Variants in PCDH9 observed in about 807,000 individuals in gnomAD.
PCDH9 encodes the protein protocadherin 9, also known as protocadherin-9.
In PCDH9, 24 loss-of-function variants were observed where a neutral mutation model predicts 70.6. That is an observed-to-expected ratio of 0.34 (90% CI 0.25 to 0.48). The LOEUF is 0.48. Among genes scored for constraint, PCDH9 ranks in the 20% least tolerant of loss-of-function variants. The pLI is 0.99. For synonymous variants in PCDH9, 562 were observed against 558.5 expected, an observed-to-expected ratio of 1.01 and a Z score of -0.09; for missense variants, 1,281 against 1,503.6, an observed-to-expected ratio of 0.85 and a Z score of 2.45.
intron 4 of PCDH9, among the ~76,000 whole-genome samples, chr13:66,561,489 A>C (rs992695957): frequency 6.6e-6 from 1 of 152,188 alleles, no homozygotes; most frequent in African/African-American, 2.4e-5. Flanking sequence ...TGGGCTCCTG[A>C]GTCTGGTGGG....
chr13:66,849,555 C>T (rs1318402175), intron 3 of PCDH9, among the ~76,000 whole-genome samples: 1 of 103,644 alleles, frequency 9.6e-6, no homozygotes, highest in Middle Eastern at 6.8e-3. Context: ...GATTGCAAAT[C>T]TTACCTGGGA....
At chr13:66,438,237 A>G (rs1199190201) in intron 4 of PCDH9, among the ~76,000 whole-genome samples, 1 of 152,042 alleles carries the variant, frequency 6.6e-6, no homozygotes, top group African/African-American at 2.4e-5. Context: ...CCGGCTCAAA[A>G]AAAAAAAAAA....
chr13:66,507,178 G>C (rs2138574732), intron 4 of PCDH9, among the ~76,000 whole-genome samples: 1 of 151,780 alleles, frequency 6.6e-6, no homozygotes, highest in South Asian at 2.1e-4. Flanking sequence ...GCTGAAATCT[G>C]AAACTGTCAC....
At chr13:66,561,199 G>C (rs1172960156) in intron 4 of PCDH9, among the ~76,000 whole-genome samples, 1 of 152,236 alleles carries the variant, frequency 6.6e-6, no homozygotes, top group African/African-American at 2.4e-5. Flanking sequence ...GAGGGGCTTA[G>C]CGCCTGGGCC....
At position 67,225,393 on chromosome 13, in the gene PCDH9, G is replaced by A. The variant is rs2089831142; in HGVS notation, c.3036+12C>T. 6.2e-7 allele frequency: 1 copy of A among 1,612,702 alleles called. No individual in the cohort carries two copies. Among genetic ancestry groups the A allele is most frequent in the Non-Finnish European group, 8.5e-7 (1 of 1,179,088 alleles). The stretch of plus-strand genomic sequence containing the variant: ...ATGCAGTACTTATAGACCAGTAAAA[G>A]TGCTCGTTTACCTGTCTGGTGTGTA... On this transcript the variant is annotated intron_variant, in intron 2 of 4. Coordinates refer to ENST00000377865, the MANE Select transcript of PCDH9 (RefSeq NM_203487.3).
intron 3 of PCDH9, among the ~76,000 whole-genome samples, chr13:66,644,009 G>GA (rs113486094): frequency 2.7e-4 from 41 of 151,784 alleles, no homozygotes; most frequent in African/African-American, 8.0e-4. Flanking sequence ...CCTGCAATTA[G>GA]AAAAAATACA....
At chr13:66,642,921 T>C (rs2077726935) in intron 3 of PCDH9, among the ~76,000 whole-genome samples, 1 of 152,036 alleles carries the variant, frequency 6.6e-6, no homozygotes, top group East Asian at 1.9e-4. Context: ...GTCTCAATTT[T>C]ATTCTCAACT....
intron 3 of PCDH9, among the ~76,000 whole-genome samples, chr13:66,857,012 A>G (rs1002166483): frequency 6.6e-6 from 1 of 152,136 alleles, no homozygotes; most frequent in South Asian, 2.1e-4. Flanking sequence ...CAGTCTCTGT[A>G]TAATATTCAA....
chr13:66,806,082 C>A (rs2080405780), intron 3 of PCDH9, among the ~76,000 whole-genome samples: 1 of 151,954 alleles, frequency 6.6e-6, no homozygotes, highest in Non-Finnish European at 1.5e-5. Flanking sequence ...ATTTTAGAAA[C>A]CTTATGTATA....
intron 2 of PCDH9, among the ~76,000 whole-genome samples, chr13:67,189,647 TAA>T (rs1466601159): frequency 6.6e-6 from 1 of 151,798 alleles, no homozygotes; most frequent in African/African-American, 2.4e-5. Context: ...ATGTACAATA[TAA>T]AGTTAGACAG....
chr13:66,730,821 G>A (rs1344638321), intron 3 of PCDH9, among the ~76,000 whole-genome samples: 1 of 149,662 alleles, frequency 6.7e-6, no homozygotes, highest in East Asian at 2.0e-4. Context: ...TAAGTCTAAA[G>A]GAACTTGCTA....
intron 3 of PCDH9, among the ~76,000 whole-genome samples, chr13:66,751,930 A>C (rs544258459): frequency 1.1e-4 from 17 of 152,310 alleles, no homozygotes; most frequent in Non-Finnish European, 2.5e-4. Flanking sequence ...GTAACAAGAA[A>C]CATGTAAATG....
chr13:67,117,810 A>C (rs2086806469), intron 2 of PCDH9, among the ~76,000 whole-genome samples: 1 of 152,142 alleles, frequency 6.6e-6, no homozygotes, highest in Non-Finnish European at 1.5e-5. Context: ...TGAGTTATAA[A>C]AATGTCATAT....
At chr13:66,654,846 C>A (rs2077906025) in intron 3 of PCDH9, among the ~76,000 whole-genome samples, 1 of 150,862 alleles carries the variant, frequency 6.6e-6, no homozygotes, top group Admixed American at 6.6e-5. Flanking sequence ...GTAGTTGGGA[C>A]TACAGGGGTA....
At chr13:66,832,534 T>C (rs1462403916) in intron 3 of PCDH9, among the ~76,000 whole-genome samples, 2 of 152,060 alleles carry the variant, frequency 1.3e-5, no homozygotes, top group Non-Finnish European at 2.9e-5. Flanking sequence ...GTATATTGAG[T>C]ATACACATGC....
At chr13:66,715,876 T>C (rs1447050478) in intron 3 of PCDH9, among the ~76,000 whole-genome samples, 1 of 152,216 alleles carries the variant, frequency 6.6e-6, no homozygotes, top group East Asian at 1.9e-4. Context: ...CTCTTCACTA[T>C]TTCAACATCT....
At chr13:66,490,809 C>T (rs749854688) in intron 4 of PCDH9, among the ~76,000 whole-genome samples, 1 of 152,076 alleles carries the variant, frequency 6.6e-6, no homozygotes, top group Non-Finnish European at 1.5e-5. Context: ...AATCTCAGAA[C>T]GTGTTCTAAG....
chr13:66,940,377 C>T (rs996728162), intron 2 of PCDH9, among the ~76,000 whole-genome samples: 45 of 152,184 alleles, frequency 3.0e-4, no homozygotes, highest in African/African-American at 1.1e-3. Context: ...TGTTCAAAAA[C>T]ATGTTGTGAG....
chr13:66,457,952 GT>G (rs767114047), intron 4 of PCDH9, among the ~76,000 whole-genome samples: 1 of 151,818 alleles, frequency 6.6e-6, no homozygotes, highest in Non-Finnish European at 1.5e-5. Flanking sequence ...GCTGTCTGTT[GT>G]TTTTAAGTTT....
Sources: allele counts gnomAD v4.1 joint callset (sites outside exome capture counted in the v4.1 genomes callset), GRCh38; gene constraint gnomAD v4.1.1; transcripts MANE v1.5; gene names NCBI Gene and HGNC (gene_info 2026-07-23, HGNC 2026-07-21).